TRIP11: variants seen among roughly 807,000 people sequenced by gnomAD.
TRIP11 encodes thyroid hormone receptor interactor 11, also known as thyroid receptor-interacting protein 11.
In TRIP11, 148 loss-of-function variants were observed where a neutral mutation model predicts 223.1. The observed-to-expected ratio is 0.66, with a 90% CI of 0.58 to 0.76. The LOEUF (loss-of-function observed/expected upper bound fraction) is 0.76, where lower values mean the gene tolerates loss of function less well. Ranked by LOEUF, TRIP11 falls within the 30% of genes least tolerant of loss-of-function variation. TRIP11 has a pLI of 0.00. For missense variants in TRIP11, 2,043 were observed against 2,222.0 expected (o/e 0.92, Z 1.62); for synonymous variants, 762 against 772.6 (o/e 0.99, Z 0.23).
At position 92,005,046 on chromosome 14, in the gene TRIP11, G is replaced by T; in HGVS notation, c.2930C>A (p.Thr977Asn). 6.2e-7 allele frequency: 1 copy of T among 1,613,928 alleles called. No individual in the cohort carries two copies. The highest frequency in any genetic ancestry group is 8.5e-7 in the Non-Finnish European group (1 of 1,180,006). The change falls in exon 11 of 21, where the codon ACC (threonine) becomes AAC (asparagine). Residue 977 changes from threonine (T) to asparagine (N), a missense_variant. Physicochemically the swap from Thr to Asn is moderately conservative, Grantham distance 65. Coordinates refer to ENST00000267622, the MANE Select transcript of TRIP11 (RefSeq NM_004239.4). ...SLQKTIEQIK[T>N]QLHEERQDIQ... ...GTCCTGTCTTTCTTCATGCAACTGG[G>T]TTTTGATTTGTTCAATTGTTTTTTG...
chr14:92,017,774 T>C (rs768614375), intron 4 of TRIP11, 24 bp from the exon 5 acceptor site: 4 of 1,585,236 alleles, frequency 2.5e-6, no homozygotes, highest in Non-Finnish European at 2.6e-6. Context: ...AGAGAATTAG[T>C]AAATAATTAT....
intron 15 of TRIP11, among the ~76,000 whole-genome samples, chr14:91,990,923 T>C (rs1242752345): frequency 2.6e-5 from 4 of 152,218 alleles, no homozygotes; most frequent in African/African-American, 7.2e-5. Flanking sequence ...CTTTTAAATG[T>C]ATTAATGAGC....
intron 9 of TRIP11, among the ~76,000 whole-genome samples, chr14:92,010,072 T>G (rs2056952436): frequency 6.6e-6 from 1 of 152,220 alleles, no homozygotes; most frequent in South Asian, 2.1e-4. Flanking sequence ...ACAACTCTCC[T>G]ATATTTAAGC....
Position 92,000,012 on chromosome 14 carries a change from C to T in TRIP11, c.4654G>A (p.Ala1552Thr). 5 of 1,613,842 alleles carry T rather than the reference C, an allele frequency of 3.1e-6. No individual in the cohort carries two copies. Among genetic ancestry groups the T allele is most frequent in the Non-Finnish European group, 3.4e-6 (4 of 1,179,926 alleles). The change falls in exon 12 of 21, where the codon GCC (alanine) becomes ACC (threonine). Residue 1552 changes from alanine to threonine, a missense_variant. Transcript: ENST00000267622. ...FQQERDQVML[A>T]LKQKQMENTA... ...TTTTCCATTTGTTTTTGTTTCAGGG[C>T]CAACATGACTTGGTCTCTCTCCTGT...
At chr14:91,976,252 T>C (rs911904445) in intron 16 of TRIP11, 63 bp from the exon 17 acceptor site, 3 of 1,369,500 alleles carry the variant, frequency 2.2e-6, no homozygotes, top group Non-Finnish European at 3.1e-6. Flanking sequence ...GATGACTATA[T>C]AATGAAATTT....
chr14:92,001,376 G>GTTT (rs34072505), intron 11 of TRIP11, among the ~76,000 whole-genome samples: 2 of 135,282 alleles, frequency 1.5e-5, no homozygotes, highest in Admixed American at 7.3e-5. Flanking sequence ...TAGTTTTTCA[G>GTTT]TTTTTTTTTT....
At chr14:92,024,597 G>A (rs1255220006) in intron 3 of TRIP11, among the ~76,000 whole-genome samples, 3 of 152,136 alleles carry the variant, frequency 2.0e-5, no homozygotes, top group African/African-American at 7.2e-5. Flanking sequence ...GAATTAGAAA[G>A]CATGACACCT....
chr14:91,998,980 A>G (rs1338730684), intron 13 of TRIP11, among the ~76,000 whole-genome samples: 3 of 152,244 alleles, frequency 2.0e-5, no homozygotes, highest in Non-Finnish European at 4.4e-5. Flanking sequence ...GGTAAGAGGC[A>G]GTGATCTAGG....
At chr14:92,025,543 G>C (rs1342074696) in intron 2 of TRIP11, 123 bp from the exon 3 acceptor site, 1 of 698,722 alleles carries the variant, frequency 1.4e-6, no homozygotes, top group Non-Finnish European at 2.4e-6. Flanking sequence ...AAAAGGTCTC[G>C]GACAGAATTC....
chr14:92,025,466 T>A (rs370214370), intron 2 of TRIP11, 46 bp from the exon 3 acceptor site: 14 of 1,364,950 alleles, frequency 1.0e-5, no homozygotes, highest in African/African-American at 1.4e-5. Context: ...AAGTAAAACA[T>A]GTAATTAGTT....
At position 92,004,525 on chromosome 14, in the gene TRIP11, C is replaced by A. The variant is rs751157620; in HGVS notation, c.3451G>T (p.Gly1151Cys). 1 of 1,613,226 alleles carries A rather than the reference C, an allele frequency of 6.2e-7. No individual in the cohort carries two copies. The highest frequency in any genetic ancestry group is 1.1e-5 in the South Asian group (1 of 91,058). Residue 1151 changes from glycine (G) to cysteine (C), a missense_variant, in exon 11 of 21, where the codon GGC becomes TGC. Physicochemically the swap from Gly to Cys is radical, Grantham distance 159. Coordinates refer to ENST00000267622, the MANE Select transcript of TRIP11 (RefSeq NM_004239.4). ...ATAGTTTCTCTAAACATATCTTGGC[C>A]ACTACTTTCAAATCTAGTGGACAAT... ...KKLSTRFESSGQDMFRETIQN... is the reference protein window; with the variant it reads ...KKLSTRFESSCQDMFRETIQN...
At chr14:91,997,994 A>G (rs998976011) in intron 13 of TRIP11, among the ~76,000 whole-genome samples, 1 of 152,186 alleles carries the variant, frequency 6.6e-6, no homozygotes, top group African/African-American at 2.4e-5. Flanking sequence ...ATGATCACTC[A>G]TTGTTTTAAT....
chr14:92,018,675 T>C (rs1333008602), intron 4 of TRIP11, among the ~76,000 whole-genome samples: 1 of 152,130 alleles, frequency 6.6e-6, no homozygotes. Flanking sequence ...TTTAGTTTCC[T>C]AGGGCTGGGC....
intron 4 of TRIP11, 38 bp downstream of exon 4, chr14:92,021,518 C>T (rs1282756564): frequency 3.1e-6 from 5 of 1,608,746 alleles, no homozygotes; most frequent in Non-Finnish European, 4.2e-6. Flanking sequence ...AGTAATTTTA[C>T]TCAAAGTTTT....
At chr14:92,009,599 A>T (rs2056946560) in intron 9 of TRIP11, among the ~76,000 whole-genome samples, 1 of 152,192 alleles carries the variant, frequency 6.6e-6, no homozygotes, top group African/African-American at 2.4e-5. Flanking sequence ...AGTAATTTTT[A>T]AAACGACTGG....
At chr14:91,972,022 A>T (rs1294793071) in intron 20 of TRIP11, among the ~76,000 whole-genome samples, 1 of 152,206 alleles carries the variant, frequency 6.6e-6, no homozygotes, top group Non-Finnish European at 1.5e-5. Flanking sequence ...CCAATAAAGA[A>T]TTTGTTTATA....
intron 15 of TRIP11, among the ~76,000 whole-genome samples, chr14:91,989,815 TC>T (rs2056650834): frequency 6.6e-6 from 1 of 152,160 alleles, no homozygotes; most frequent in East Asian, 1.9e-4. Context: ...GTTTTAAAGT[TC>T]TTAAAAGCCA....
intron 13 of TRIP11, among the ~76,000 whole-genome samples, chr14:91,997,456 A>AT (rs775395757): frequency 3.3e-5 from 5 of 152,136 alleles, no homozygotes; most frequent in African/African-American, 4.8e-5. Flanking sequence ...CCCTCAAACT[A>AT]TAAGACTCAA....
intron 16 of TRIP11, among the ~76,000 whole-genome samples, chr14:91,981,297 T>C (rs549933024): frequency 2.2e-4 from 33 of 151,410 alleles, no homozygotes; most frequent in African/African-American, 7.8e-4. Context: ...ATTACGAGTG[T>C]GAACCACCGC....
Sources: gnomAD v4.1 joint callset for allele counts (sites outside exome capture counted in the v4.1 genomes callset) on GRCh38, gnomAD v4.1.1 for gene constraint, MANE v1.5 for transcripts, NCBI Gene and HGNC (gene_info 2026-07-23, HGNC 2026-07-21) for gene names.